ASTN2: variants seen among roughly 807,000 people sequenced by gnomAD.
ASTN2 encodes the protein astrotactin-2.
In ASTN2, 54 loss-of-function variants were observed where a neutral mutation model predicts 139.8. The ratio of observed to expected loss-of-function variants is 0.39; its 90% CI spans 0.31 to 0.48. The LOEUF (loss-of-function observed/expected upper bound fraction) is 0.48, where lower values mean the gene tolerates loss of function less well. ASTN2 is among the 20% of genes least tolerant of loss of function. The pLI is 0.95. For synonymous variants in ASTN2, 756 were observed against 719.5 expected, an observed-to-expected ratio of 1.05 and a Z score of -0.81; for missense variants, 1,565 against 1,725.1, an observed-to-expected ratio of 0.91 and a Z score of 1.64.
intron 13 of ASTN2, among the ~76,000 whole-genome samples, chr9:116,777,686 T>C (rs908730327): frequency 4.6e-5 from 7 of 152,122 alleles, no homozygotes; most frequent in Admixed American, 1.3e-4. Context: ...GTGATGCTGA[T>C]GTTCCAATCT....
intron 1 of ASTN2, among the ~76,000 whole-genome samples, chr9:117,366,940 A>G (rs1019071277): frequency 2.0e-5 from 3 of 151,930 alleles, no homozygotes; most frequent in Admixed American, 1.3e-4. Flanking sequence ...ACACTCAGCT[A>G]ATTTTTGTAT....
chr9:117,387,624 G>T (rs758632236), intron 1 of ASTN2, among the ~76,000 whole-genome samples: 1 of 152,170 alleles, frequency 6.6e-6, no homozygotes, highest in African/African-American at 2.4e-5. Context: ...AGATGGAAAA[G>T]CAAAGAATCA....
At chr9:117,236,278 C>T (rs1034984486) in intron 2 of ASTN2, among the ~76,000 whole-genome samples, 1 of 152,190 alleles carries the variant, frequency 6.6e-6, no homozygotes, top group African/African-American at 2.4e-5. Context: ...TTCTGAGGTG[C>T]TGCATGAATC....
chr9:116,921,033 T>A (rs1444880397), intron 10 of ASTN2, among the ~76,000 whole-genome samples: 2 of 152,160 alleles, frequency 1.3e-5, no homozygotes, highest in Non-Finnish European at 2.9e-5. Context: ...TTATAGGAAG[T>A]ATGGCCACAT....
chr9:117,174,123 CTAGAT>C (rs1162002195), intron 3 of ASTN2, among the ~76,000 whole-genome samples: 18 of 146,958 alleles, frequency 1.2e-4, no homozygotes, highest in Admixed American at 5.5e-4. Context: ...AGCTAGCTAA[CTAGAT>C]AGATAGATAG....
At chr9:116,656,317 T>A (rs1360521864) in intron 16 of ASTN2, among the ~76,000 whole-genome samples, 1 of 152,206 alleles carries the variant, frequency 6.6e-6, no homozygotes, top group Non-Finnish European at 1.5e-5. Flanking sequence ...GTAGTCAACA[T>A]ACAACTTCTT....
At chr9:117,217,047 G>A (rs559388034) in intron 2 of ASTN2, among the ~76,000 whole-genome samples, 3 of 152,248 alleles carry the variant, frequency 2.0e-5, no homozygotes, top group African/African-American at 7.2e-5. Context: ...TGGTGGAGCT[G>A]TGACTGGGCC....
chr9:116,565,421 A>ATT (rs1282876634), intron 19 of ASTN2, among the ~76,000 whole-genome samples: 247 of 100,362 alleles, frequency 2.5e-3, no homozygotes, highest in Middle Eastern at 0.011. Flanking sequence ...ATATATATAT[A>ATT]TATATATATT....
chr9:116,621,595 G>A (rs1856158278), intron 17 of ASTN2, among the ~76,000 whole-genome samples: 1 of 151,472 alleles, frequency 6.6e-6, no homozygotes, highest in Non-Finnish European at 1.5e-5. Context: ...CTCCTCTTCT[G>A]GACACCATAA....
At chr9:116,763,239 A>G (rs923069641) in intron 13 of ASTN2, among the ~76,000 whole-genome samples, 28 of 152,188 alleles carry the variant, frequency 1.8e-4, no homozygotes, top group African/African-American at 6.8e-4. Flanking sequence ...GGTGCTGAAT[A>G]GTAATTCTCG....
At chr9:116,890,173 G>A (rs1279300412) in intron 10 of ASTN2, among the ~76,000 whole-genome samples, 1 of 152,140 alleles carries the variant, frequency 6.6e-6, no homozygotes, top group African/African-American at 2.4e-5. Flanking sequence ...TCATACGCCT[G>A]GTATTGGAGA....
chr9:117,172,923 C>T (rs71507503), intron 3 of ASTN2, among the ~76,000 whole-genome samples: 2,714 of 152,170 alleles, frequency 0.018, 37 homozygotes, highest in Middle Eastern at 0.061. Context: ...AGTAACTTGA[C>T]CATGGGCCAA....
rs543366496 is a variant in ASTN2, at chr9:116,867,898, AC to A, written c.1890-4166del. Among the ~76,000 whole-genome samples, 136 of 152,288 alleles carry A rather than the reference AC, an allele frequency of 8.9e-4. 2 individuals are homozygous for A. The South Asian group carries it at 0.028, about 32-fold the overall frequency. On this transcript the variant is annotated intron_variant, in intron 10 of 22. Transcript: ENST00000313400. Reference sequence around the variant, plus strand: ...TAAAGCAGACACTGGCGTTTTCTTAACTCAAAGCAGACACTGGCGTTTTCTT... The same window carrying A: ...TAAAGCAGACACTGGCGTTTTCTTAATCAAAGCAGACACTGGCGTTTTCTT...
intron 2 of ASTN2, among the ~76,000 whole-genome samples, chr9:117,251,760 C>A (rs922083344): frequency 1.3e-5 from 2 of 152,080 alleles, no homozygotes; most frequent in African/African-American, 2.4e-5. Context: ...AACCTGGAGG[C>A]CAGGACAGTG....
At chr9:117,022,449 AAAAAAC>A (rs1241964372) in intron 6 of ASTN2, among the ~76,000 whole-genome samples, 2 of 90,764 alleles carry the variant, frequency 2.2e-5, no homozygotes, top group African/African-American at 4.2e-5. Context: ...GGGCAAAAAA[AAAAAAC>A]AAAAAAACAA....
intron 10 of ASTN2, among the ~76,000 whole-genome samples, chr9:116,948,318 G>C (rs558509056): frequency 4.3e-4 from 65 of 152,230 alleles, no homozygotes; most frequent in African/African-American, 1.5e-3. Flanking sequence ...GTGCATATCA[G>C]TATCAAATGG....
intron 19 of ASTN2, chr9:116,585,175 G>A (rs891447578): frequency 2.6e-5 from 4 of 152,148 alleles, no homozygotes; most frequent in Admixed American, 6.5e-5. Flanking sequence ...TTGGCATACC[G>A]TTAAGGGCAA....
At chr9:117,329,180 C>CTTTTTTTTTTTTTTTTTTTTT (rs749880987) in intron 1 of ASTN2, among the ~76,000 whole-genome samples, 10 of 82,580 alleles carry the variant, frequency 1.2e-4, no homozygotes, top group Non-Finnish European at 2.1e-4. Flanking sequence ...CTTCCAAGTT[C>CTTTTTTTTTTTTTTTTTTTTT]TTTTTTTTTT....
At chr9:117,338,110 C>T (rs1321538810) in intron 1 of ASTN2, among the ~76,000 whole-genome samples, 1 of 152,196 alleles carries the variant, frequency 6.6e-6, no homozygotes, top group African/African-American at 2.4e-5. Flanking sequence ...CTCTCATCCT[C>T]ACGGACATAT....
Sources: gnomAD v4.1 joint callset for allele counts (sites outside exome capture counted in the v4.1 genomes callset) on GRCh38, gnomAD v4.1.1 for gene constraint, MANE v1.5 for transcripts, NCBI Gene and HGNC (gene_info 2026-07-23, HGNC 2026-07-21) for gene names.